GRK3: variants seen among roughly 807,000 people sequenced by gnomAD.
GRK3 encodes the protein G protein-coupled receptor kinase 3.
GRK3 carries 54 observed loss-of-function variants against 95.7 expected under a neutral mutation model. That is an observed-to-expected ratio of 0.56 (90% confidence interval 0.45 to 0.71). The LOEUF (loss-of-function observed/expected upper bound fraction) is 0.71. GRK3 is among the 30% of genes least tolerant of loss of function. The pLI is 0.00. For synonymous variants in GRK3, 281 were observed against 290.8 expected (o/e 0.97, Z 0.34); for missense variants, 649 against 851.2 (o/e 0.76, Z 2.96).
intron 3 of GRK3, among the ~76,000 whole-genome samples, chr22:25,650,918 A>AT (rs1177180725): frequency 2.0e-5 from 3 of 152,234 alleles, no homozygotes; most frequent in East Asian, 1.9e-4. Context: ...AATGGTGGTC[A>AT]TTTTTTCCCC....
intron 18 of GRK3, among the ~76,000 whole-genome samples, chr22:25,715,444 G>A (rs374397002): frequency 3.3e-5 from 5 of 152,016 alleles, no homozygotes; most frequent in African/African-American, 4.8e-5. Flanking sequence ...CCAGGAGGTC[G>A]TCTGCAGTGA....
chr22:25,606,299 G>A lies in GRK3; in HGVS notation c.190+1846G>A, dbSNP rs552699792. 2.9e-3 allele frequency among the ~76,000 whole-genome samples: 445 copies of A among 152,358 alleles called. 4 individuals are homozygous for A. The Middle Eastern group carries it at 0.031, about 10-fold the overall frequency. ...CAGGAGAAGCTGAGTTTGAGCTTGG[G>A]AAGGTCATGGTCACAGGAAAGAAGA... On this transcript the variant is annotated intron_variant, in intron 2 of 20. Coordinates refer to ENST00000324198, the MANE Select transcript of GRK3 (RefSeq NM_005160.4).
intron 5 of GRK3, among the ~76,000 whole-genome samples, chr22:25,664,086 C>T (rs946041108): frequency 1.3e-5 from 2 of 152,196 alleles, no homozygotes; most frequent in South Asian, 2.1e-4. Flanking sequence ...CTGTGATTAT[C>T]CTCTAGGGGA....
intron 2 of GRK3, among the ~76,000 whole-genome samples, chr22:25,624,066 G>C (rs553881559): frequency 6.6e-6 from 1 of 152,266 alleles, no homozygotes; most frequent in African/African-American, 2.4e-5. Context: ...CCACTGCAGG[G>C]TGCAGTCAGC....
chr22:25,646,580 G>A (rs2084783997), intron 3 of GRK3, among the ~76,000 whole-genome samples: 1 of 152,162 alleles, frequency 6.6e-6, no homozygotes, highest in Non-Finnish European at 1.5e-5. Context: ...ACACCTTTGG[G>A]TGTCAATATA....
At chr22:25,721,562 A>G (rs1484964858) in intron 20 of GRK3, among the ~76,000 whole-genome samples, 165 bp downstream of exon 20, 1 of 152,220 alleles carries the variant, frequency 6.6e-6, no homozygotes, top group Admixed American at 6.5e-5. Flanking sequence ...TGATTTTTTA[A>G]AAAGGCAAAT....
At chr22:25,705,971 C>T (rs903381610) in intron 15 of GRK3, among the ~76,000 whole-genome samples, 6 of 152,132 alleles carry the variant, frequency 3.9e-5, no homozygotes, top group Non-Finnish European at 8.8e-5. Flanking sequence ...CTCGGAGACT[C>T]GTGTTCTTCA....
At chr22:25,665,701 A>G (rs1041650073) in intron 5 of GRK3, among the ~76,000 whole-genome samples, 1 of 152,234 alleles carries the variant, frequency 6.6e-6, no homozygotes, top group Non-Finnish European at 1.5e-5. Flanking sequence ...ATTATGTACC[A>G]TCAGAGCATA....
intron 3 of GRK3, among the ~76,000 whole-genome samples, chr22:25,646,906 A>G (rs1323757724): frequency 1.3e-5 from 2 of 151,746 alleles, no homozygotes; most frequent in African/African-American, 4.8e-5. Flanking sequence ...CTGTAATTTC[A>G]GCTACTCAAG....
chr22:25,694,251 G>A (rs758125309), intron 12 of GRK3, among the ~76,000 whole-genome samples: 19 of 152,270 alleles, frequency 1.2e-4, no homozygotes, highest in East Asian at 3.9e-4. Flanking sequence ...AAAATTAATC[G>A]TGGATGAAAA....
At chr22:25,688,660 A>G (rs753618081) in intron 11 of GRK3, among the ~76,000 whole-genome samples, 2 of 152,208 alleles carry the variant, frequency 1.3e-5, no homozygotes, top group African/African-American at 2.4e-5. Context: ...AAGCAATGAT[A>G]TAGGAGTATT....
At chr22:25,700,444 G>C (rs758810421) in intron 13 of GRK3, among the ~76,000 whole-genome samples, 5 of 152,202 alleles carry the variant, frequency 3.3e-5, no homozygotes, top group Admixed American at 6.5e-5. Context: ...GGGAGAGCCT[G>C]GGCAGTGGCC....
chr22:25,725,416 A>G lies in GRK3; in HGVS notation c.*2966A>G, dbSNP rs1206016265. ...AAGCTGCTATGTAAGATATATATGG[A>G]ATAAATTAAAAACCTTTGTGAATTC... On this transcript the variant is annotated 3_prime_UTR_variant, in exon 21 of 21. Transcript: ENST00000324198. The G allele has an allele frequency of 1.8e-5, 7 of 396,926 alleles. No homozygotes were observed. Among genetic ancestry groups the G allele is most frequent in the Admixed American group, 4.4e-5 (1 of 22,698 alleles). The allele number at this position is 396,926 out of a possible 1,614,324, so 24.6% of individuals were successfully genotyped here.
chr22:25,643,956 G>A (rs948668600), intron 2 of GRK3, among the ~76,000 whole-genome samples: 8 of 152,078 alleles, frequency 5.3e-5, no homozygotes, highest in African/African-American at 1.9e-4. Context: ...AGAGGGGCGT[G>A]GTATTCTAGG....
intron 3 of GRK3, 133 bp downstream of exon 3, chr22:25,644,798 T>C: frequency 2.0e-6 from 1 of 493,646 alleles, no homozygotes; most frequent in Non-Finnish European, 3.5e-6. Context: ...GTGCAAAATA[T>C]AGTATCAAGT....
rs367612467 is a variant in GRK3, at chr22:25,716,204, G to T, written c.1654+1634G>T. Among the ~76,000 whole-genome samples the T allele has an allele frequency of 3.3e-5, 5 of 152,190 alleles. No homozygotes were observed. In the South Asian group the frequency reaches 6.2e-4, roughly 19 times the overall value. On this transcript the variant is annotated intron_variant, in intron 18 of 20. Coordinates refer to ENST00000324198, the MANE Select transcript of GRK3 (RefSeq NM_005160.4). Reference sequence around the variant, plus strand: ...GGGATTTCACTATGTTGGCCAGGCTGGTCTTGAACTCCTGACCTCATGATC... The same window carrying T: ...GGGATTTCACTATGTTGGCCAGGCTTGTCTTGAACTCCTGACCTCATGATC...
At chr22:25,716,543 C>A (rs6004745) in intron 18 of GRK3, among the ~76,000 whole-genome samples, 3 of 151,812 alleles carry the variant, frequency 2.0e-5, no homozygotes, top group Non-Finnish European at 4.4e-5. Flanking sequence ...GTAAGTAATT[C>A]GTGCATAAGT....
At chr22:25,694,218 G>C (rs764248505) in intron 12 of GRK3, among the ~76,000 whole-genome samples, 35 of 152,162 alleles carry the variant, frequency 2.3e-4, no homozygotes, top group African/African-American at 4.1e-4. Flanking sequence ...GATGTCATCT[G>C]ATTACCCATT....
chr22:25,704,244 C>A, intron 15 of GRK3, 35 bp downstream of exon 15: 1 of 1,497,316 alleles, frequency 6.7e-7, no homozygotes. Flanking sequence ...GTATCTTTAC[C>A]AGAAGAGCAA....
Sources: gnomAD v4.1 joint callset for allele counts (sites outside exome capture counted in the v4.1 genomes callset) on GRCh38, gnomAD v4.1.1 for gene constraint, MANE v1.5 for transcripts, NCBI Gene and HGNC (gene_info 2026-07-23, HGNC 2026-07-21) for gene names.